Variants in RSRP1 observed in about 807,000 individuals in gnomAD.
RSRP1 encodes the protein arginine and serine rich protein 1.
RSRP1 carries 37 observed loss-of-function variants against 33.0 expected under a neutral mutation model. The observed-to-expected ratio is 1.12, with a 90% CI of 0.86 to 1.48. The LOEUF (loss-of-function observed/expected upper bound fraction) is 1.48, where lower values mean the gene tolerates loss of function less well. Ranked by LOEUF, RSRP1 falls within the 40% of genes most tolerant of loss-of-function variation. RSRP1 has a pLI of 0.00. For synonymous variants in RSRP1, 167 were observed against 158.7 expected (o/e 1.05, Z -0.40); for missense variants, 402 against 385.3 (o/e 1.04, Z -0.36).
chr1:25,256,404 G>A (rs533764606), intron 1 of RSRP1, among the ~76,000 whole-genome samples: 1 of 152,258 alleles, frequency 6.6e-6, no homozygotes, highest in East Asian at 1.9e-4. Flanking sequence ...TTCCATCCCA[G>A]TCAGCTAAAG....
At chr1:25,244,116 G>GA in intron 3 of RSRP1, 2 of 1,273,584 alleles carry the variant, frequency 1.6e-6, no homozygotes, top group Non-Finnish European at 2.0e-6. Context: ...AGGCTGGAGT[G>GA]AAAAGTACAG....
chr1:25,296,759 A>G (rs1217305267), intron 1 of RSRP1, among the ~76,000 whole-genome samples: 1 of 120,340 alleles, frequency 8.3e-6, no homozygotes, highest in African/African-American at 2.7e-5. Flanking sequence ...TCTCTCTCTC[A>G]CCTGACACCA....
rs1357501079 is a variant in RSRP1 at position 25,300,970 on chromosome 1, C to T, written c.-67+37008G>A. The stretch of plus-strand genomic sequence containing the variant: ...GACAGACTACCACATGAACATGATG[C>T]ACATCTACGTGTTCGCAGCCTATTT... On this transcript the variant is annotated intron_variant, in intron 1 of 1. Coordinates refer to the RSRP1 transcript ENST00000561867. The T allele has an allele frequency of 5.8e-6, 8 of 1,373,952 alleles. 2 individuals carry two copies. Among genetic ancestry groups the T allele is most frequent in the Middle Eastern group, 1.8e-4 (1 of 5,478 alleles). The allele number at this position is 1,373,952 out of a possible 1,614,324, so 85.1% of individuals were successfully genotyped here.
chr1:25,259,076 A>G (rs577113831), intron 1 of RSRP1, among the ~76,000 whole-genome samples: 9 of 152,094 alleles, frequency 5.9e-5, no homozygotes, highest in Non-Finnish European at 1.3e-4. Context: ...AGCTAAGGTT[A>G]ATTTATTATT....
Position 25,306,580 on chromosome 1 carries a change from T to C in RSRP1, c.-67+31398A>G, listed in dbSNP as rs1188360231. The C allele has an allele frequency of 7.3e-6, 10 of 1,376,996 alleles. 1 individual carries two copies. The highest frequency in any genetic ancestry group is 4.3e-5 in the African/African-American group (3 of 70,200). 85.3% of individuals were successfully genotyped at this position (1,376,996 alleles called of 1,614,324 possible). On this transcript the variant is annotated intron_variant, in intron 1 of 1. Transcript: ENST00000561867. ...GTCTCACCTGCCAATCTGCTTATAA[T>C]AACACTTGTCCACAGGGGTGTTGTA...
chr1:25,329,074 T>C, intron 1 of RSRP1: 1 of 1,328,110 alleles, frequency 7.5e-7, no homozygotes, highest in Non-Finnish European at 1.1e-6. Context: ...AGTTGAATCC[T>C]TTCTCTGCCA....
chr1:25,271,527 A>G (rs1640513813), intron 1 of RSRP1, among the ~76,000 whole-genome samples: 1 of 131,750 alleles, frequency 7.6e-6, no homozygotes, highest in Admixed American at 7.4e-5. Flanking sequence ...GGAAACTCCA[A>G]TTCCTTCCTT....
chr1:25,285,959 ATAT>A (rs1198250106), intron 1 of RSRP1, among the ~76,000 whole-genome samples: 2 of 134,330 alleles, frequency 1.5e-5, no homozygotes, highest in African/African-American at 5.2e-5. Context: ...CACTCCACAA[ATAT>A]TATTTTGTTT....
At chr1:25,245,090 TA>T (rs1639239085) in intron 3 of RSRP1, 59 bp downstream of exon 3, 2 of 1,613,806 alleles carry the variant, frequency 1.2e-6, no homozygotes, top group Non-Finnish European at 1.7e-6. Context: ...TATAAGTGGC[TA>T]ATCAGATTTG....
In RSRP1 at chr1:25,329,217, T is replaced by C. The variant is rs1232416175; in HGVS notation, c.-67+8761A>G. 7.4e-5 allele frequency: 49 copies of C among 661,174 alleles called. 13 individuals carry two copies. The highest frequency in any genetic ancestry group is 1.2e-4 in the Non-Finnish European group (49 of 395,494). The allele number at this position is 661,174 out of a possible 1,614,324, so 41.0% of individuals were successfully genotyped here. ...ATGGTGGTCATCCAGTAAGCTAAGG[T>C]TAATTTATTATTATTCCTTGTTTTT... On this transcript the variant is annotated intron_variant, in intron 1 of 1. Coordinates refer to the RSRP1 transcript ENST00000561867.
Position 25,296,911 on chromosome 1 carries a change from T to A in RSRP1, c.-67+41067A>T. ...GTCTCAGGAAGTATCTTTATAGCAG[T>A]GTGAAAACAGACTAACACAATTTCC... On this transcript the variant is annotated intron_variant, in intron 1 of 1. Coordinates refer to the RSRP1 transcript ENST00000561867. Among the ~76,000 whole-genome samples, 2 of 130,524 alleles carry A rather than the reference T, an allele frequency of 1.5e-5. 1 individual carries two copies. Among genetic ancestry groups the A allele is most frequent in the Non-Finnish European group, 3.6e-5 (2 of 55,488 alleles). The allele number at this position is 130,524 out of a possible 152,430, so 85.6% of individuals were successfully genotyped here.
intron 1 of RSRP1, chr1:25,267,890 A>T (rs552972886): frequency 7.6e-6 from 1 of 132,150 alleles, no homozygotes; most frequent in African/African-American, 2.6e-5. Context: ...AAAGCCCCTG[A>T]ACCCAGCGCC....
intron 1 of RSRP1, among the ~76,000 whole-genome samples, chr1:25,276,532 TAAA>T (rs557746335): frequency 0.64 from 41,511 of 64,876 alleles, 15,355 homozygotes; most frequent in South Asian, 0.8. Context: ...CCCCCATCTC[TAAA>T]AAAAAAAAAA....
At chr1:25,291,540 A>G (rs34899305) in intron 1 of RSRP1, among the ~76,000 whole-genome samples, 2,470 of 132,578 alleles carry the variant, frequency 0.019, 297 homozygotes, top group African/African-American at 0.059. Flanking sequence ...GTTTACAAAA[A>G]TGTGGTCTGT....
chr1:25,250,143 T>C (rs2124550333), upstream of RSRP1, among the ~76,000 whole-genome samples: 1 of 152,134 alleles, frequency 6.6e-6, no homozygotes, highest in East Asian at 1.9e-4. Context: ...GTTAAAAAAG[T>C]TAATTGGTTA....
At chr1:25,311,317 C>A (rs1489456411) in intron 1 of RSRP1, among the ~76,000 whole-genome samples, 1 of 131,772 alleles carries the variant, frequency 7.6e-6, no homozygotes, top group African/African-American at 2.6e-5. Flanking sequence ...ACATTTTCAG[C>A]TGAGAACACT....
rs2904825 is a variant in RSRP1, at chr1:25,278,855, G to A, written c.-66-31826C>T. ...GTTTTTCTTCCCAGGCTGCTGGAGG[G>A]GTGAGAGTCGCCGGTAGAGTAGAGG... On this transcript the variant is annotated intron_variant, in intron 1 of 1. Coordinates refer to the RSRP1 transcript ENST00000561867. Among the ~76,000 whole-genome samples the A allele has an allele frequency of 1.6e-5, 2 of 128,832 alleles. 1 individual carries two copies. The highest frequency in any genetic ancestry group is 5.3e-5 in the African/African-American group (2 of 37,566). The allele number at this position is 128,832 out of a possible 152,430, so 84.5% of individuals were successfully genotyped here.
intron 3 of RSRP1, chr1:25,244,903 T>C: frequency 7.6e-7 from 1 of 1,324,120 alleles, no homozygotes. Flanking sequence ...AGGCTAGTCT[T>C]GAACTCCTGG....
intron 1 of RSRP1, among the ~76,000 whole-genome samples, chr1:25,256,147 C>CT (rs58871827): frequency 0.029 from 3,914 of 132,986 alleles, 77 homozygotes; most frequent in African/African-American, 0.055. Context: ...CTATCCGGAT[C>CT]TTTTTTTTTT....
Sources: gnomAD v4.1 joint callset for allele counts (sites outside exome capture counted in the v4.1 genomes callset) on GRCh38, gnomAD v4.1.1 for gene constraint, MANE v1.5 for transcripts, NCBI Gene and HGNC (gene_info 2026-07-23, HGNC 2026-07-21) for gene names.